Variants in ACE observed in about 807,000 individuals in gnomAD.
The protein encoded by ACE is angiotensin I converting enzyme, also known as angiotensin-converting enzyme.
ACE carries 122 observed loss-of-function variants against 162.3 expected under a neutral mutation model. The ratio of observed to expected loss-of-function variants is 0.75; its 90% CI spans 0.65 to 0.87. The LOEUF (loss-of-function observed/expected upper bound fraction) is 0.87. Among genes scored for constraint, ACE ranks in the 40% least tolerant of loss-of-function variants. The pLI is 0.00. For missense variants in ACE, 1,799 were observed against 1,735.1 expected (o/e 1.04, Z -0.65); for synonymous variants, 796 against 720.6 (o/e 1.10, Z -1.68).
chr17:63,479,128 C>G (rs535038789), intron 3 of ACE, 28 bp downstream of exon 3: 1 of 1,566,022 alleles, frequency 6.4e-7, no homozygotes, highest in East Asian at 2.3e-5. Flanking sequence ...CCCCTCTCGG[C>G]GGTGCCCTAG....
At position 63,496,517 on chromosome 17, in the gene ACE, G is replaced by A. The variant is rs779188587; in HGVS notation, c.3503+1G>A. The stretch of plus-strand genomic sequence containing the variant: ...CCAAGGAGGCCGGGCAGCGCCTGGC[G>A]TGAGTGTCCTCCAGCCCTCCTTTGT... On this transcript the variant is annotated splice_donor_variant, in intron 23 of 24. Transcript: ENST00000290866. LOFTEE classifies it high-confidence loss of function. The A allele has an allele frequency of 5.6e-6, 9 of 1,614,068 alleles. No individual in the cohort carries two copies. Among genetic ancestry groups the A allele is most frequent in the South Asian group, 4.4e-5 (4 of 91,064 alleles).
At chr17:63,477,721 A>G (rs538128723) in intron 1 of ACE, 3 of 628,254 alleles carry the variant, frequency 4.8e-6, no homozygotes, top group Admixed American at 2.9e-5. Context: ...TCTGGTCCCA[A>G]TTTCTGCTCC....
chr17:63,486,943 A>G, intron 14 of ACE, 43 bp from the exon 15 acceptor site: 1 of 1,564,964 alleles, frequency 6.4e-7, no homozygotes, highest in East Asian at 2.2e-5. Flanking sequence ...AGAGAGACCA[A>G]GTGCAAAGGA....
intron 13 of ACE, 199 bp from the exon 14 acceptor site, chr17:63,486,358 G>C (rs752935141): frequency 4.7e-6 from 3 of 637,462 alleles, no homozygotes; most frequent in Non-Finnish European, 8.4e-6. Flanking sequence ...CTTGACCGCA[G>C]GCATCCAGGG....
Position 63,477,250 on chromosome 17 carries a change from C to G in ACE, c.156C>G (p.Ser52Arg). The change falls in exon 1 of 25, where the codon AGC becomes AGG. Residue 52 changes from serine (S) to arginine (R), a missense_variant. Ser to Arg is a moderately radical substitution (Grantham distance 110, BLOSUM62 -1). Transcript: ENST00000290866. Reference sequence around the variant, plus strand: ...CCGGGGCGCAGCTCTTCGCGCAGAGCTACAACTCCAGCGCCGAACAGGTGC... The same window carrying G: ...CCGGGGCGCAGCTCTTCGCGCAGAGGTACAACTCCAGCGCCGAACAGGTGC... ...DEAGAQLFAQ[S>R]YNSSAEQVLF... 1.3e-6 allele frequency: 2 copies of G among 1,504,978 alleles called. No homozygotes were observed. The highest frequency in any genetic ancestry group is 1.8e-6 in the Non-Finnish European group (2 of 1,129,428). 93.2% of individuals were successfully genotyped at this position (1,504,978 alleles called of 1,614,324 possible).
intron 3 of ACE, 136 bp downstream of exon 3, chr17:63,479,236 T>C: frequency 1.3e-6 from 1 of 766,746 alleles, no homozygotes; most frequent in Non-Finnish European, 2.2e-6. Flanking sequence ...CAACTGGGGC[T>C]GGACGGTGCA....
chr17:63,495,313 G>A (rs1335678400), intron 22 of ACE, among the ~76,000 whole-genome samples: 1 of 152,194 alleles, frequency 6.6e-6, no homozygotes, highest in African/African-American at 2.4e-5. Context: ...CTGGGGGCTA[G>A]AGAGACCTCA....
chr17:63,494,345 C>T (rs2030593392), intron 21 of ACE, 27 bp from the exon 22 acceptor site: 1 of 1,607,360 alleles, frequency 6.2e-7, no homozygotes, highest in East Asian at 2.2e-5. Flanking sequence ...CCAAACTCAT[C>T]TTCCAACATA....
chr17:63,493,664 G>A lies in ACE; in HGVS notation c.3136+5G>A. Reference sequence around the variant, plus strand: ...GCAGTGAGGGTGGCAGCGACGGTGAGAGAGAAGCGGGAGGCCCTGGTGGGC... The same window carrying A: ...GCAGTGAGGGTGGCAGCGACGGTGAAAGAGAAGCGGGAGGCCCTGGTGGGC... On this transcript the variant is annotated splice_donor_5th_base_variant and intron_variant, in intron 20 of 24. Transcript: ENST00000290866. 1.2e-6 allele frequency: 2 copies of A among 1,613,884 alleles called. No individual in the cohort carries two copies. Among genetic ancestry groups the A allele is most frequent in the Non-Finnish European group, 1.7e-6 (2 of 1,179,966 alleles).
Position 63,497,769 on chromosome 17 carries a change from T to G in ACE, c.*403T>G. ...ATCCCCAGAGCTCTGCCCCAGCACC[T>G]CCTGGCGCTGGCGCCTGTCTTCCCT... is the stretch of plus-strand genomic sequence containing the variant. On this transcript the variant is annotated 3_prime_UTR_variant, in exon 25 of 25. Transcript: ENST00000290866. 2.6e-6 allele frequency: 1 copy of G among 381,070 alleles called. No homozygotes were observed. The allele number at this position is 381,070 out of a possible 1,614,324, so 23.6% of individuals were successfully genotyped here. A position where few individuals can be genotyped will look rare whatever the true frequency, so the allele number is the denominator to read the frequency against.
chr17:63,485,634 G>A, intron 13 of ACE: 1 of 439,712 alleles, frequency 2.3e-6, no homozygotes, highest in Non-Finnish European at 4.4e-6. Flanking sequence ...AAATTAGCCG[G>A]GTGTGGTGGC....
Position 63,479,930 on chromosome 17 carries a change from T to G in ACE, c.655+18T>G. 6.2e-7 allele frequency: 1 copy of G among 1,601,814 alleles called. No individual in the cohort carries two copies. On this transcript the variant is annotated intron_variant, in intron 4 of 24. Transcript: ENST00000290866. ...GCAGGACGGTGAGCAGGCCTCTCCC[T>G]GTCCAGGAACCACGCCAGGTGTCCT...
rs565588886 is a variant in ACE at position 63,484,267 on chromosome 17, G to A, written c.1710-63G>A. The A allele has an allele frequency of 1.9e-5, 29 of 1,535,760 alleles. No homozygotes were observed. Among genetic ancestry groups the A allele is most frequent in the East Asian group, 2.4e-5 (1 of 41,880 alleles). ...GGAAGTGGCCAGGGGCATGTGGGCC[G>A]GGGTCCAGGAGCAGACTCCAGCCTG... On this transcript the variant is annotated intron_variant, in intron 11 of 24. Coordinates refer to ENST00000290866, the MANE Select transcript of ACE (RefSeq NM_000789.4). The surrounding 1 kb of genome is among the most constrained non-coding windows in gnomAD (Gnocchi z 4.0).
At chr17:63,489,603 A>T (rs1599150134) in intron 17 of ACE, among the ~76,000 whole-genome samples, 1 of 152,188 alleles carries the variant, frequency 6.6e-6, no homozygotes, top group African/African-American at 2.4e-5. Context: ...ATGTAAATCT[A>T]CTTCAACCCT....
At chr17:63,485,460 A>G (rs753281172) in intron 13 of ACE, 88 bp downstream of exon 13, 5 of 1,562,722 alleles carry the variant, frequency 3.2e-6, no homozygotes, top group Non-Finnish European at 4.4e-6. Context: ...GGCTGCCACC[A>G]CATTTTAAAT....
At position 63,484,990 on chromosome 17, in the gene ACE, AAGCAGCCAGGCAACAACC is replaced by A. The variant is rs760370486; in HGVS notation, c.1922-236_1922-219del. On this transcript the variant is annotated intron_variant, in intron 12 of 24. Coordinates refer to ENST00000290866, the MANE Select transcript of ACE (RefSeq NM_000789.4). This position sits in a 1 kb window ranked among gnomAD's most constrained non-coding sequence, Gnocchi z 4.0. The stretch of plus-strand genomic sequence containing the variant: ...AACAGGTGACAGTCACCCATGGGAC[AAGCAGCCAGGCAACAACC>A]AGCAGCCAGACAACCACCCACCAGG... The A allele has an allele frequency of 8.4e-5, 136 of 1,610,078 alleles. 1 individual carries two copies. The East Asian group carries it at 2.8e-3, about 34-fold the overall frequency.
intron 1 of ACE, 167 bp from the exon 2 acceptor site, chr17:63,477,764 G>A (rs950642557): frequency 2.6e-6 from 2 of 767,676 alleles, no homozygotes; most frequent in Non-Finnish European, 2.1e-6. Context: ...CCTCCAGAAG[G>A]AGGAAGCGCG....
Position 63,479,775 on chromosome 17 carries a change from C to T in ACE, c.518C>T (p.Thr173Ile), listed in dbSNP as rs1277204441. The change falls in exon 4 of 25, where the codon ACC becomes ATC. Residue 173 changes from threonine to isoleucine, a missense_variant. Coordinates refer to ENST00000290866, the MANE Select transcript of ACE (RefSeq NM_000789.4). ...ATCWSLDPDL[T>I]NILASSRSYA... ...CTGCCTGCCTGTGTCTCAGATCTCACCAACATCCTGGCTTCCTCGCGAAGC... is the reference window on the plus strand; with the variant it reads ...CTGCCTGCCTGTGTCTCAGATCTCATCAACATCCTGGCTTCCTCGCGAAGC... 1.2e-6 allele frequency: 2 copies of T among 1,613,234 alleles called. No individual in the cohort carries two copies. The highest frequency in any genetic ancestry group is 1.7e-6 in the Non-Finnish European group (2 of 1,180,034).
rs942614987 is a variant in ACE, at chr17:63,481,506, C to A, written c.946-60C>A. ...GTTGACCCGAGATGGGGACCCCAGCCCTGTCCCCAGGCCAGCCAGAGTGGG... is the reference window on the plus strand; with the variant it reads ...GTTGACCCGAGATGGGGACCCCAGCACTGTCCCCAGGCCAGCCAGAGTGGG... On this transcript the variant is annotated intron_variant, in intron 6 of 24. Transcript: ENST00000290866. 1.9e-6 allele frequency: 3 copies of A among 1,591,362 alleles called. No individual in the cohort carries two copies. The African/African-American group carries it at 4.0e-5, about 21-fold the overall frequency.
Sources: allele counts gnomAD v4.1 joint callset (sites outside exome capture counted in the v4.1 genomes callset), GRCh38; gene constraint gnomAD v4.1.1; non-coding constraint Gnocchi (gnomAD v3.1); transcripts MANE v1.5; gene names NCBI Gene and HGNC (gene_info 2026-07-23, HGNC 2026-07-21).